The following IL1RN variants were observed in gnomAD, a reference collection of about 807,000 sequenced individuals.
IL1RN encodes interleukin-1 receptor antagonist protein.
A neutral mutation model predicts 13.7 loss-of-function variants in IL1RN; 10 were observed. The ratio of observed to expected loss-of-function variants is 0.73; its 90% CI spans 0.45 to 1.24. IL1RN has a LOEUF of 1.24. Ranked by LOEUF, IL1RN falls within the 50% of genes most tolerant of loss-of-function variation. The pLI, the probability that IL1RN is intolerant of heterozygous loss-of-function variation, is 0.00. For missense variants in IL1RN, 213 were observed against 222.1 expected, an observed-to-expected ratio of 0.96 and a Z score of 0.26; for synonymous variants, 102 against 82.7, an observed-to-expected ratio of 1.23 and a Z score of -1.27.
chr2:113,119,125 G>A (rs4251981), intron 1 of IL1RN, among the ~76,000 whole-genome samples: 31,949 of 152,144 alleles, frequency 0.21, 4,106 homozygotes, highest in South Asian at 0.28. Context: ...TACTTTCCTT[G>A]CACTCCTTTC....
At chr2:113,102,334 G>A (rs927324000), upstream of IL1RN, among the ~76,000 whole-genome samples, 7 of 152,178 alleles carry the variant, frequency 4.6e-5, no homozygotes, top group Admixed American at 2.0e-4. Flanking sequence ...TATTGTGTTA[G>A]GGCCCCACCC....
upstream of IL1RN, among the ~76,000 whole-genome samples, chr2:113,125,604 C>T (rs549135144): frequency 6.8e-4 from 104 of 152,350 alleles, 1 homozygote; most frequent in South Asian, 0.02. Flanking sequence ...GAAGGATTAA[C>T]TCTCTGGACA....
chr2:113,122,651 A>G (rs1686815690), upstream of IL1RN, among the ~76,000 whole-genome samples: 1 of 152,146 alleles, frequency 6.6e-6, no homozygotes. Context: ...ATCTTTATAA[A>G]ACACACCTGA....
At chr2:113,121,993 G>C (rs191457069) in intron 2 of IL1RN, among the ~76,000 whole-genome samples, 11 of 152,300 alleles carry the variant, frequency 7.2e-5, no homozygotes, top group African/African-American at 2.6e-4. Flanking sequence ...AGAGCAACTG[G>C]AGTCTTTGTA....
At chr2:113,104,631 G>A (rs1686362171), upstream of IL1RN, among the ~76,000 whole-genome samples, 1 of 152,190 alleles carries the variant, frequency 6.6e-6, no homozygotes, top group African/African-American at 2.4e-5. Flanking sequence ...TAGTTTCTAT[G>A]TATGGTGCTG....
upstream of IL1RN, among the ~76,000 whole-genome samples, chr2:113,107,685 A>G (rs1686408630): frequency 1.3e-5 from 2 of 152,186 alleles, no homozygotes; most frequent in Admixed American, 1.3e-4. Context: ...GTGAGCTGAG[A>G]TCATGCTGCT....
chr2:113,126,896 G>C (rs895028699), upstream of IL1RN, among the ~76,000 whole-genome samples: 5 of 152,206 alleles, frequency 3.3e-5, no homozygotes, highest in Admixed American at 6.5e-5. Context: ...CTTTAAAGAT[G>C]TAAGATAGTG....
At chr2:113,116,543 C>T (rs1686598296), upstream of IL1RN, among the ~76,000 whole-genome samples, 1 of 152,178 alleles carries the variant, frequency 6.6e-6, no homozygotes, top group Non-Finnish European at 1.5e-5. Flanking sequence ...CCCTCCCACC[C>T]CCATTCAGGC....
At chr2:113,109,192 C>T (rs1286725638), upstream of IL1RN, among the ~76,000 whole-genome samples, 1 of 152,054 alleles carries the variant, frequency 6.6e-6, no homozygotes, top group African/African-American at 2.4e-5. Context: ...ATGGGTGGAT[C>T]ACCTGAGGTC....
At chr2:113,126,659 T>TCCTACACCTGCTTCCTCCCTCCCTC (rs1686972063), upstream of IL1RN, among the ~76,000 whole-genome samples, 2 of 152,232 alleles carry the variant, frequency 1.3e-5, no homozygotes, top group East Asian at 3.9e-4. Context: ...TCCTCTTCCT[T>TCCTACACCTGCTTCCTCCCTCCCTC]CCTACACCTG....
intron 2 of IL1RN, chr2:113,121,385 TA>T: frequency 1.2e-6 from 1 of 860,492 alleles, no homozygotes; most frequent in Non-Finnish European, 1.4e-6. Context: ...CTATAACAGG[TA>T]AGCAACACAG....
rs2104455713 is a variant in IL1RN at position 113,129,600 on chromosome 2, C to G, written c.141C>G (p.Thr47=). 1.2e-6 allele frequency: 2 copies of G among 1,611,648 alleles called. No homozygotes were observed. The highest frequency in any genetic ancestry group is 1.7e-6 in the Non-Finnish European group (2 of 1,177,696). Residue 47 remains threonine (T), a synonymous_variant, in exon 2 of 4, where the codon ACC becomes ACG. Coordinates refer to ENST00000409930, the MANE Select transcript of IL1RN (RefSeq NM_173842.3). ...GAATCTGGGATGTTAACCAGAAGACCTTCTATCTGAGGAACAACCAACTAG... is the reference window on the plus strand; with the variant it reads ...GAATCTGGGATGTTAACCAGAAGACGTTCTATCTGAGGAACAACCAACTAG... ...AFRIWDVNQK[T]FYLRNNQLVA... is the part of the protein sequence containing the mutation.
At chr2:113,119,035 T>A (rs1028411737) in intron 1 of IL1RN, among the ~76,000 whole-genome samples, 3 of 151,858 alleles carry the variant, frequency 2.0e-5, no homozygotes, top group African/African-American at 7.3e-5. Flanking sequence ...AGACGCTCTC[T>A]CTAAAAAAAA....
chr2:113,112,195 G>A (rs1686511057), intron 1 of IL1RN, among the ~76,000 whole-genome samples: 1 of 152,212 alleles, frequency 6.6e-6, no homozygotes, highest in African/African-American at 2.4e-5. Context: ...CCTCAGAAAA[G>A]GAAGCTGGTT....
chr2:113,112,524 C>T (rs72950891), intron 1 of IL1RN, among the ~76,000 whole-genome samples: 12,440 of 152,204 alleles, frequency 0.082, 534 homozygotes, highest in Non-Finnish European at 0.093. Context: ...GAGCCCCCCT[C>T]GCCCTGTAGG....
In IL1RN at chr2:113,132,766, T is replaced by G; in HGVS notation, c.429T>G (p.Gly143=). The G allele has an allele frequency of 6.2e-7, 1 of 1,614,236 alleles. No individual in the cohort carries two copies. Among genetic ancestry groups the G allele is most frequent in the Non-Finnish European group, 8.5e-7 (1 of 1,180,044 alleles). ...GTTTTGAGTCTGCCGCCTGCCCCGGTTGGTTCCTCTGCACAGCGATGGAAG... is the reference window on the plus strand; with the variant it reads ...GTTTTGAGTCTGCCGCCTGCCCCGGGTGGTTCCTCTGCACAGCGATGGAAG... ...TTSFESAACP[G]WFLCTAMEAD... Residue 143 remains glycine (G), a synonymous_variant, in exon 4 of 4, where the codon GGT becomes GGG. Transcript: ENST00000409930.
intron 2 of IL1RN, chr2:113,120,225 G>T (rs191625422): frequency 2.5e-5 from 22 of 880,110 alleles, no homozygotes; most frequent in Non-Finnish European, 3.9e-5. Context: ...AAAGATGAAT[G>T]GTTTAATTAA....
chr2:113,122,686 T>C (rs1686816864), upstream of IL1RN, among the ~76,000 whole-genome samples: 1 of 152,204 alleles, frequency 6.6e-6, no homozygotes, highest in African/African-American at 2.4e-5. Context: ...TATTCAGTTT[T>C]TTAAAAGATA....
At position 113,130,980 on chromosome 2, in the gene IL1RN, G is replaced by A. The variant is rs451578; in HGVS notation, c.206-65G>A. On this transcript the variant is annotated intron_variant, in intron 2 of 3. Coordinates refer to ENST00000409930, the MANE Select transcript of IL1RN (RefSeq NM_173842.3). Reference sequence around the variant, plus strand: ...GACCAGGGGAGATAGAAAAATACCCGGGGTCTCTTCATTATTGCTGCTTCC... The same window carrying A: ...GACCAGGGGAGATAGAAAAATACCCAGGGTCTCTTCATTATTGCTGCTTCC... 0.27 allele frequency: 272,423 copies of A among 1,018,874 alleles called. 39,581 individuals are homozygous for A. Among genetic ancestry groups the A allele is most frequent in the Admixed American group, 0.32 (18,473 of 58,478 alleles). The allele number at this position is 1,018,874 out of a possible 1,614,324, so 63.1% of individuals were successfully genotyped here.
Sources: gnomAD v4.1 joint callset for allele counts (sites outside exome capture counted in the v4.1 genomes callset) on GRCh38, gnomAD v4.1.1 for gene constraint, MANE v1.5 for transcripts, NCBI Gene and HGNC (gene_info 2026-07-23, HGNC 2026-07-21) for gene names.